Variants in SLC14A1 observed in about 807,000 individuals in gnomAD.
SLC14A1 encodes the protein solute carrier family 14 member 1 (Kidd blood group).
In SLC14A1, 36 loss-of-function variants were observed where a neutral mutation model predicts 39.6. The observed-to-expected ratio is 0.91, with a 90% CI of 0.70 to 1.20. The LOEUF (loss-of-function observed/expected upper bound fraction) is 1.20. Among genes scored for constraint, SLC14A1 ranks in the 50% most tolerant of loss-of-function variants. SLC14A1 has a pLI of 0.00. For synonymous variants in SLC14A1, 164 were observed against 173.6 expected, an observed-to-expected ratio of 0.94 and a Z score of 0.43; for missense variants, 469 against 478.7, an observed-to-expected ratio of 0.98 and a Z score of 0.19.
At chr18:45,742,894 G>A (rs184382485) in intron 8 of SLC14A1, among the ~76,000 whole-genome samples, 1 of 152,158 alleles carries the variant, frequency 6.6e-6, no homozygotes, top group East Asian at 1.9e-4. Context: ...CACCATGTTG[G>A]CCAGGCTGGT....
chr18:45,736,013 A>AT (rs1169260157), intron 5 of SLC14A1, among the ~76,000 whole-genome samples: 1 of 152,168 alleles, frequency 6.6e-6, no homozygotes, highest in Admixed American at 6.5e-5. Context: ...TCCTTGAACG[A>AT]TTGTTTCTCT....
chr18:45,746,082 C>T (rs1000012987), intron 8 of SLC14A1, among the ~76,000 whole-genome samples: 6 of 152,214 alleles, frequency 3.9e-5, no homozygotes, highest in African/African-American at 1.4e-4. Flanking sequence ...AGAGCAACTG[C>T]GTGGCCAGAG....
At position 45,731,082 on chromosome 18, in the gene SLC14A1, C is replaced by T. The variant is rs779835840; in HGVS notation, c.219C>T (p.Asn73=). ...LRGISQVVFV[N]NPVSGILILV... is the part of the protein sequence containing the mutation. Reference sequence around the variant, plus strand: ...GCATATCCCAAGTGGTGTTCGTCAACAACCCCGTCAGTGGAATCCTGATTC... The same window carrying T: ...GCATATCCCAAGTGGTGTTCGTCAATAACCCCGTCAGTGGAATCCTGATTC... The change falls in exon 4 of 10, where the codon AAC becomes AAT. Residue 73 remains asparagine (N), a synonymous_variant. Transcript: ENST00000321925. The T allele has an allele frequency of 2.7e-5, 44 of 1,614,078 alleles. No homozygotes were observed. In the East Asian group the frequency reaches 9.6e-4, roughly 35 times the overall value.
At position 45,752,261 on chromosome 18, in the gene SLC14A1, G is replaced by C; in HGVS notation, c.*2310G>C. Reference sequence around the variant, plus strand: ...GCAGTGAAGAATCTAGGCTGTGGCTGAGAGAACCAGAGGCCTCTAAAATGG... The same window carrying C: ...GCAGTGAAGAATCTAGGCTGTGGCTCAGAGAACCAGAGGCCTCTAAAATGG... On this transcript the variant is annotated 3_prime_UTR_variant, in exon 10 of 10. Coordinates refer to ENST00000321925, the MANE Select transcript of SLC14A1 (RefSeq NM_015865.7). The C allele has an allele frequency of 7.1e-6, 7 of 985,226 alleles. No individual in the cohort carries two copies. The highest frequency in any genetic ancestry group is 8.4e-6 in the Non-Finnish European group (7 of 829,726). The allele number at this position is 985,226 out of a possible 1,614,324, so 61.0% of individuals were successfully genotyped here.
intron 8 of SLC14A1, among the ~76,000 whole-genome samples, chr18:45,742,795 T>C (rs1366028499): frequency 1.3e-5 from 2 of 149,166 alleles, no homozygotes; most frequent in Non-Finnish European, 2.9e-5. Context: ...GCAATTCTTC[T>C]GCCTCAGCCT....
intron 4 of SLC14A1, among the ~76,000 whole-genome samples, chr18:45,732,677 C>T (rs562223507): frequency 2.0e-5 from 3 of 152,324 alleles, no homozygotes; most frequent in South Asian, 2.1e-4. Flanking sequence ...ACCTCCTGCT[C>T]GAGCCCAGCA....
chr18:45,729,629 G>A (rs1016461150), intron 2 of SLC14A1: 1 of 152,026 alleles, frequency 6.6e-6, no homozygotes, highest in Non-Finnish European at 1.5e-5. Flanking sequence ...CTTCTTGCCT[G>A]GTTTTACATA....
chr18:45,747,428 C>T (rs901416840), intron 8 of SLC14A1, among the ~76,000 whole-genome samples: 1 of 152,146 alleles, frequency 6.6e-6, no homozygotes, highest in Non-Finnish European at 1.5e-5. Flanking sequence ...GTGGCTCATG[C>T]CTGTAATCCC....
intron 8 of SLC14A1, among the ~76,000 whole-genome samples, chr18:45,743,444 C>T (rs1352825473): frequency 6.6e-6 from 1 of 152,022 alleles, no homozygotes; most frequent in Non-Finnish European, 1.5e-5. Context: ...ATGGTTGAGG[C>T]AGTCAACTGA....
chr18:45,728,970 A>G (rs941802047), intron 2 of SLC14A1: 3 of 152,242 alleles, frequency 2.0e-5, no homozygotes, highest in African/African-American at 7.2e-5. Flanking sequence ...GGATTAATAG[A>G]AGCCAAAGCT....
intron 8 of SLC14A1, among the ~76,000 whole-genome samples, chr18:45,745,198 T>C (rs2047513229): frequency 6.6e-6 from 1 of 152,198 alleles, no homozygotes; most frequent in Non-Finnish European, 1.5e-5. Context: ...GCTGAGATCA[T>C]GCCACTGCAC....
intron 2 of SLC14A1, among the ~76,000 whole-genome samples, chr18:45,726,470 T>C (rs2046866120): frequency 1.3e-5 from 2 of 152,218 alleles, no homozygotes; most frequent in Admixed American, 6.5e-5. Flanking sequence ...AACTAAAAAC[T>C]GTTTATTATT....
Position 45,734,315 on chromosome 18 carries a change from T to C in SLC14A1, c.383T>C (p.Leu128Pro). 1 of 1,614,048 alleles carries C rather than the reference T, an allele frequency of 6.2e-7. No individual in the cohort carries two copies. Among genetic ancestry groups the C allele is most frequent in the Non-Finnish European group, 8.5e-7 (1 of 1,179,956 alleles). The part of the protein sequence containing the change: ...ASGLYGYNAT[L>P]VGVLMAVFSD... Reference sequence around the variant, plus strand: ...GGGCTCTATGGCTACAATGCCACCCTGGTGGGAGTACTCATGGCTGTCTTT... The same window carrying C: ...GGGCTCTATGGCTACAATGCCACCCCGGTGGGAGTACTCATGGCTGTCTTT... The change falls in exon 5 of 10, where the codon CTG (leucine) becomes CCG (proline). Residue 128 changes from leucine to proline, a missense_variant. Transcript: ENST00000321925.
At chr18:45,732,222 T>G (rs1035239251) in intron 4 of SLC14A1, among the ~76,000 whole-genome samples, 2 of 152,272 alleles carry the variant, frequency 1.3e-5, no homozygotes, top group Admixed American at 1.3e-4. Context: ...TCAAATGTTT[T>G]ACTTTCCTTG....
At chr18:45,734,702 C>G (rs762065158) in intron 5 of SLC14A1, among the ~76,000 whole-genome samples, 1 of 152,070 alleles carries the variant, frequency 6.6e-6, no homozygotes, top group Non-Finnish European at 1.5e-5. Context: ...ATTGCGTCAC[C>G]GCACTCCAGT....
intron 6 of SLC14A1, among the ~76,000 whole-genome samples, chr18:45,737,959 TGAGA>T (rs1245597390): frequency 7.2e-5 from 11 of 152,160 alleles, no homozygotes; most frequent in Admixed American, 2.0e-4. Flanking sequence ...TATGGCTACC[TGAGA>T]GAGAGTTCTG....
intron 4 of SLC14A1, among the ~76,000 whole-genome samples, chr18:45,732,800 G>A (rs1050269790): frequency 3.9e-5 from 6 of 152,154 alleles, no homozygotes; most frequent in Non-Finnish European, 7.3e-5. Flanking sequence ...GGTGCCAGAC[G>A]TTGCCAACTC....
chr18:45,743,037 C>T (rs2047433492), intron 8 of SLC14A1, among the ~76,000 whole-genome samples: 1 of 152,234 alleles, frequency 6.6e-6, no homozygotes, highest in African/African-American at 2.4e-5. Flanking sequence ...AAGCTCTTGA[C>T]ATGTTGTTTC....
At chr18:45,727,566 G>A (rs970025554) in intron 2 of SLC14A1, 6 of 1,001,770 alleles carry the variant, frequency 6.0e-6, no homozygotes, top group Admixed American at 2.9e-5. Context: ...AAAGCCCCAT[G>A]GCGCTCACCT....
Sources: allele counts gnomAD v4.1 joint callset (sites outside exome capture counted in the v4.1 genomes callset), GRCh38; gene constraint gnomAD v4.1.1; transcripts MANE v1.5; gene names NCBI Gene and HGNC (gene_info 2026-07-23, HGNC 2026-07-21).